The following OXR1 variants were observed in gnomAD, a reference collection of about 807,000 sequenced individuals.
The protein encoded by OXR1 is oxidation resistance 1.
OXR1 carries 41 observed loss-of-function variants against 104.6 expected under a neutral mutation model. The observed-to-expected ratio is 0.39, with a 90% CI of 0.31 to 0.51. OXR1 has a LOEUF of 0.51. Ranked by LOEUF, OXR1 falls within the 20% of genes least tolerant of loss-of-function variation. The pLI is 0.77. For synonymous variants in OXR1, 348 were observed against 348.4 expected (o/e 1.00, Z 0.01); for missense variants, 955 against 1,031.9 (o/e 0.93, Z 1.02).
intron 2 of OXR1, among the ~76,000 whole-genome samples, chr8:106,471,409 C>G (rs1208231492): frequency 6.6e-6 from 1 of 151,716 alleles, no homozygotes; most frequent in Non-Finnish European, 1.5e-5. Context: ...GCCTAGGAAC[C>G]TCAGCCCAGC....
At chr8:106,457,133 G>A (rs1360152724) in intron 2 of OXR1, among the ~76,000 whole-genome samples, 2 of 152,146 alleles carry the variant, frequency 1.3e-5, no homozygotes, top group Admixed American at 6.5e-5. Flanking sequence ...CACTGTGCTA[G>A]GTACTGGGAT....
Position 106,684,104 on chromosome 8 carries a change from A to G in OXR1, c.412-142A>G, listed in dbSNP as rs28921402. On this transcript the variant is annotated intron_variant, in intron 5 of 16. Transcript: ENST00000517566. The stretch of plus-strand genomic sequence containing the variant: ...CTGATTTTAAAGGTTCTTTTTTAAA[A>G]ATGTTTTTATATTCTTATAATTTGA... 530 of 541,234 alleles carry G rather than the reference A, an allele frequency of 9.8e-4. 1 individual carries two copies. The highest frequency in any genetic ancestry group is 9.2e-3 in the African/African-American group (484 of 52,742). The allele number at this position is 541,234 out of a possible 1,614,324, so 33.5% of individuals were successfully genotyped here.
chr8:106,685,837 G>A (rs2131254173), intron 6 of OXR1, among the ~76,000 whole-genome samples: 2 of 152,214 alleles, frequency 1.3e-5, no homozygotes, highest in Middle Eastern at 3.4e-3. Context: ...TGCGTATATA[G>A]CAGCATAATT....
intron 2 of OXR1, among the ~76,000 whole-genome samples, chr8:106,396,137 A>T (rs1466569802): frequency 6.6e-6 from 1 of 152,116 alleles, no homozygotes. Flanking sequence ...AGAACAGATA[A>T]ATCTTCCACT....
chr8:106,428,798 T>A (rs1161424908), intron 2 of OXR1, among the ~76,000 whole-genome samples: 1 of 152,020 alleles, frequency 6.6e-6, no homozygotes, highest in Non-Finnish European at 1.5e-5. Flanking sequence ...TAAAAACAAC[T>A]TAGCACGTAC....
At chr8:106,694,973 T>TA (rs1248284562) in intron 7 of OXR1, among the ~76,000 whole-genome samples, 6 of 137,682 alleles carry the variant, frequency 4.4e-5, no homozygotes, top group Admixed American at 7.9e-5. Context: ...TACATGTATA[T>TA]TATAATATAT....
chr8:106,740,604 C>A, intron 14 of OXR1, 109 bp downstream of exon 14: 1 of 850,242 alleles, frequency 1.2e-6, no homozygotes, highest in Non-Finnish European at 1.9e-6. Context: ...TATTGTTTAA[C>A]TGATAATTAC....
chr8:106,274,604 C>CCA (rs1554616314), intron 1 of OXR1, among the ~76,000 whole-genome samples: 75 of 133,210 alleles, frequency 5.6e-4, no homozygotes, highest in African/African-American at 2.0e-3. Context: ...AACGCCACCC[C>CCA]CCCCCCGACC....
At chr8:106,418,546 A>T (rs1271783281) in intron 2 of OXR1, among the ~76,000 whole-genome samples, 1 of 151,786 alleles carries the variant, frequency 6.6e-6, no homozygotes, top group African/African-American at 2.4e-5. Context: ...TTTTTTTAAG[A>T]GTGCTTTAAA....
intron 3 of OXR1, among the ~76,000 whole-genome samples, chr8:106,563,296 CAAAAAAAAAAAAA>C (rs145929849): frequency 1.6e-5 from 2 of 125,764 alleles, no homozygotes; most frequent in East Asian, 2.5e-4. Context: ...AAATGGAAAG[CAAAAAAAAAAAAA>C]AAAAAGAAAA....
chr8:106,544,621 C>A (rs1487910141), intron 3 of OXR1, among the ~76,000 whole-genome samples: 1 of 152,038 alleles, frequency 6.6e-6, no homozygotes, highest in African/African-American at 2.4e-5. Context: ...CTGTTTTCCT[C>A]TGCAAATAAA....
chr8:106,558,604 A>G (rs1409256196), intron 3 of OXR1, among the ~76,000 whole-genome samples: 2 of 152,228 alleles, frequency 1.3e-5, no homozygotes, highest in East Asian at 3.8e-4. Flanking sequence ...TGCCCCAAGC[A>G]TCTTGATATC....
intron 3 of OXR1, among the ~76,000 whole-genome samples, chr8:106,583,997 T>G (rs1167443631): frequency 6.6e-6 from 1 of 151,836 alleles, no homozygotes; most frequent in African/African-American, 2.4e-5. Flanking sequence ...AAAGAAAAAT[T>G]GGAAGGAAAA....
At chr8:106,411,557 T>C (rs1227055319) in intron 2 of OXR1, among the ~76,000 whole-genome samples, 4 of 152,196 alleles carry the variant, frequency 2.6e-5, no homozygotes, top group Non-Finnish European at 5.9e-5. Flanking sequence ...CGCTAAGCTT[T>C]CATTTTATTC....
chr8:106,276,227 T>C (rs772345402), intron 1 of OXR1, among the ~76,000 whole-genome samples: 61 of 152,334 alleles, frequency 4.0e-4, no homozygotes, highest in Non-Finnish European at 6.5e-4. Flanking sequence ...CAGAATTACA[T>C]GCATGTTGCT....
chr8:106,709,323 T>C (rs1370819435), intron 9 of OXR1, among the ~76,000 whole-genome samples: 6 of 152,156 alleles, frequency 3.9e-5, no homozygotes, highest in Admixed American at 3.9e-4. Context: ...AAAACATGGC[T>C]TTAAAGGCCC....
chr8:106,272,708 T>G (rs965316598), intron 1 of OXR1: 2 of 152,194 alleles, frequency 1.3e-5, no homozygotes, highest in Non-Finnish European at 2.9e-5. Flanking sequence ...ATATACCCTT[T>G]GAAATATGTT....
At chr8:106,694,603 AAT>A (rs143754064) in intron 7 of OXR1, among the ~76,000 whole-genome samples, 29 of 51,302 alleles carry the variant, frequency 5.7e-4, no homozygotes, top group Middle Eastern at 0.016. Flanking sequence ...TTGATATATA[AAT>A]ATATGTTTAT....
At chr8:106,696,833 C>A (rs1276488222) in intron 7 of OXR1, among the ~76,000 whole-genome samples, 1 of 152,220 alleles carries the variant, frequency 6.6e-6, no homozygotes, top group East Asian at 1.9e-4. Context: ...CTCACCCCAC[C>A]CCTTAGCCAC....
Sources: allele counts gnomAD v4.1 joint callset (sites outside exome capture counted in the v4.1 genomes callset), GRCh38; gene constraint gnomAD v4.1.1; transcripts MANE v1.5; gene names NCBI Gene and HGNC (gene_info 2026-07-23, HGNC 2026-07-21).